The following CD22 variants were observed in gnomAD, a reference collection of about 807,000 sequenced individuals.
CD22 encodes CD22 molecule.
CD22 carries 51 observed loss-of-function variants against 94.7 expected under a neutral mutation model. That is an observed-to-expected ratio of 0.54 (90% CI 0.43 to 0.68). The LOEUF (loss-of-function observed/expected upper bound fraction) is 0.68. Ranked by LOEUF, CD22 falls within the 30% of genes least tolerant of loss-of-function variation. The pLI, the probability that CD22 is intolerant of heterozygous loss-of-function variation, is 0.00. For missense variants in CD22, 931 were observed against 1,060.4 expected (o/e 0.88, Z 1.69); for synonymous variants, 424 against 422.5 (o/e 1.00, Z -0.04).
In CD22 at chr19:35,336,251, T is replaced by C. The variant is rs1309647916; in HGVS notation, c.628T>C (p.Trp210Arg). 13 of 1,614,174 alleles carry C rather than the reference T, an allele frequency of 8.1e-6. No individual in the cohort carries two copies. The highest frequency in any genetic ancestry group is 1.1e-5 in the Non-Finnish European group (13 of 1,180,012). Residue 210 changes from tryptophan to arginine, a missense_variant, in exon 4 of 14, where the codon TGG (tryptophan) becomes CGG (arginine). By Grantham distance (101) the Trp-to-Arg change is moderately radical. Coordinates refer to ENST00000085219, the MANE Select transcript of CD22 (RefSeq NM_001771.4). ...TRSELKFSPQ[W>R]SHHGKIVTCQ... ...GAGCGAGCTCAAGTTCTCCCCACAG[T>C]GGAGTCACCATGGGAAGATTGTGAC...
chr19:35,338,071 G>T, intron 5 of CD22, 50 bp downstream of exon 5: 15 of 1,578,988 alleles, frequency 9.5e-6, no homozygotes, highest in Non-Finnish European at 1.3e-5. Context: ...TAGCAGGGGT[G>T]GACCCGGAGA....
At chr19:35,335,588 T>C (rs2066710784) in intron 3 of CD22, among the ~76,000 whole-genome samples, 1 of 140,846 alleles carries the variant, frequency 7.1e-6, no homozygotes, top group South Asian at 2.3e-4. Context: ...TGTGGTGGCT[T>C]ACACCTGTAA....
rs376922176 is a variant in CD22 at position 35,341,107 on chromosome 19, G to A, written c.1476G>A (p.Ser492=). ...GCGCAGCTTGTAATAGTTGGTGCTCGTGGGCCTCCCCTGTCGCCCTGAATG... is the reference window on the plus strand; with the variant it reads ...GCGCAGCTTGTAATAGTTGGTGCTCATGGGCCTCCCCTGTCGCCCTGAATG... The part of the protein sequence containing the change: ...IACAACNSWC[S]WASPVALNVQ... Residue 492 remains serine (S), a synonymous_variant, in exon 7 of 14, where the codon TCG becomes TCA. Transcript: ENST00000085219. This position sits in a 1 kb window ranked among gnomAD's most constrained non-coding sequence, Gnocchi z 4.0. 7 of 1,614,144 alleles carry A rather than the reference G, an allele frequency of 4.3e-6. No individual in the cohort carries two copies. Among genetic ancestry groups the A allele is most frequent in the Admixed American group, 1.7e-5 (1 of 60,010 alleles).
At chr19:35,344,295 C>A (rs537880288) in intron 9 of CD22, among the ~76,000 whole-genome samples, 1 of 152,364 alleles carries the variant, frequency 6.6e-6, no homozygotes. Flanking sequence ...CAGACACATC[C>A]CATCATATAA....
chr19:35,332,606 C>T lies in CD22; in HGVS notation c.94C>T (p.Leu32Phe), dbSNP rs2066660778. 2 of 1,614,096 alleles carry T rather than the reference C, an allele frequency of 1.2e-6. No individual in the cohort carries two copies. The highest frequency in any genetic ancestry group is 8.5e-7 in the Non-Finnish European group (1 of 1,180,006). ...ATGGGTTTTTGAGCACCCTGAAACC[C>T]TCTACGCCTGGGAGGGGGCCTGCGT... Reference protein sequence around the residue: ...SKWVFEHPETLYAWEGACVWI... With the variant: ...SKWVFEHPETFYAWEGACVWI... Residue 32 changes from leucine (L) to phenylalanine (F), a missense_variant, in exon 3 of 14, where the codon CTC becomes TTC. Physicochemically the swap from Leu to Phe is conservative, Grantham distance 22. Coordinates refer to ENST00000085219, the MANE Select transcript of CD22 (RefSeq NM_001771.4).
At position 35,337,926 on chromosome 19, in the gene CD22, G is replaced by A. The variant is rs200892922; in HGVS notation, c.890G>A (p.Arg297His). The change falls in exon 5 of 14, where the codon CGC becomes CAC. Residue 297 changes from arginine (R) to histidine (H), a missense_variant. Arg to His is a conservative substitution (Grantham distance 29). Coordinates refer to ENST00000085219, the MANE Select transcript of CD22 (RefSeq NM_001771.4). This position sits in a 1 kb window ranked among gnomAD's most constrained non-coding sequence, Gnocchi z 4.4. The part of the protein sequence containing the change: ...KKQNTFTLNL[R>H]EVTKDQSGKY... ...CAGAATACATTCACGCTAAACCTGC[G>A]CGAAGTGACCAAGGACCAGAGTGGG... 8.1e-6 allele frequency: 13 copies of A among 1,614,218 alleles called. No individual in the cohort carries two copies. The highest frequency in any genetic ancestry group is 6.7e-5 in the Admixed American group (4 of 60,018).
intron 6 of CD22, among the ~76,000 whole-genome samples, chr19:35,340,207 G>A (rs1370555440): frequency 1.3e-5 from 2 of 152,108 alleles, no homozygotes; most frequent in African/African-American, 4.8e-5. Flanking sequence ...TCTGCTCTAA[G>A]GGAGTCATCT....
chr19:35,334,629 A>G (rs545646812), intron 3 of CD22, among the ~76,000 whole-genome samples: 8 of 152,338 alleles, frequency 5.3e-5, no homozygotes, highest in African/African-American at 1.9e-4. Context: ...GAGGTGGTCC[A>G]GCCTTGGGGA....
chr19:35,337,620 A>G lies in CD22; in HGVS notation c.719-135A>G. On this transcript the variant is annotated intron_variant, in intron 4 of 13. Transcript: ENST00000085219. This position sits in a 1 kb window ranked among gnomAD's most constrained non-coding sequence, Gnocchi z 4.4. Reference sequence around the variant, plus strand: ...AGTGGGAGGGGGAAGCTGAGAGCCGAGTTAGGAGGCTGTGACCATCACCTG... The same window carrying G: ...AGTGGGAGGGGGAAGCTGAGAGCCGGGTTAGGAGGCTGTGACCATCACCTG... 1 of 742,222 alleles carries G rather than the reference A, an allele frequency of 1.3e-6. No individual in the cohort carries two copies. Among genetic ancestry groups the G allele is most frequent in the Non-Finnish European group, 2.1e-6 (1 of 465,524 alleles). The allele number at this position is 742,222 out of a possible 1,614,324, so 46.0% of individuals were successfully genotyped here. A position where few individuals can be genotyped will look rare whatever the true frequency, so the allele number is the denominator to read the frequency against.
intron 4 of CD22, 103 bp downstream of exon 4, chr19:35,336,444 C>T (rs1012321688): frequency 2.7e-5 from 30 of 1,107,816 alleles, no homozygotes; most frequent in South Asian, 1.7e-4. Context: ...CCTGCACAGA[C>T]GGCGGCATCC....
In CD22 at chr19:35,332,906, A is replaced by G. The variant is rs2066664967; in HGVS notation, c.394A>G (p.Ile132Val). Residue 132 changes from isoleucine to valine, a missense_variant, in exon 3 of 14, where the codon ATA (isoleucine) becomes GTA (valine). Physicochemically the swap from Ile to Val is conservative, Grantham distance 29. Coordinates refer to ENST00000085219, the MANE Select transcript of CD22 (RefSeq NM_001771.4). Reference sequence around the variant, plus strand: ...CAAGACTGAGAAATGGATGGAACGAATACACCTCAATGTCTCTGGTAAGGC... The same window carrying G: ...CAAGACTGAGAAATGGATGGAACGAGTACACCTCAATGTCTCTGGTAAGGC... Reference protein sequence around the residue: ...ESKTEKWMERIHLNVSERPFP... With the variant: ...ESKTEKWMERVHLNVSERPFP... 2 of 1,613,934 alleles carry G rather than the reference A, an allele frequency of 1.2e-6. No homozygotes were observed. Among genetic ancestry groups the G allele is most frequent in the Admixed American group, 3.3e-5 (2 of 60,000 alleles).
chr19:35,332,811 A>G lies in CD22; in HGVS notation c.299A>G (p.Lys100Arg). The change falls in exon 3 of 14, where the codon AAG becomes AGG. Residue 100 changes from lysine (K) to arginine (R), a missense_variant. Coordinates refer to ENST00000085219, the MANE Select transcript of CD22 (RefSeq NM_001771.4). The part of the protein sequence containing the change: ...KRVQFLGDKN[K>R]NCTLSIHPVH... ...GTGCAATTCCTGGGAGACAAGAATAAGAACTGCACACTGAGTATCCACCCG... is the reference window on the plus strand; with the variant it reads ...GTGCAATTCCTGGGAGACAAGAATAGGAACTGCACACTGAGTATCCACCCG... The G allele has an allele frequency of 6.2e-7, 1 of 1,614,224 alleles. No individual in the cohort carries two copies. The highest frequency in any genetic ancestry group is 8.5e-7 in the Non-Finnish European group (1 of 1,180,044).
chr19:35,336,180 C>T lies in CD22; in HGVS notation c.557C>T (p.Ala186Val), dbSNP rs775199004. ...CTAGAGGGGGTTCCAATGAGGCAGG[C>T]TGCTGTCACCTCGACCTCCTTGACC... ...WLLEGVPMRQ[A>V]AVTSTSLTIK... The change falls in exon 4 of 14, where the codon GCT becomes GTT. Residue 186 changes from alanine to valine, a missense_variant. Transcript: ENST00000085219. 6.0e-5 allele frequency: 97 copies of T among 1,614,118 alleles called. 1 individual carries two copies. The highest frequency in any genetic ancestry group is 7.9e-5 in the Non-Finnish European group (93 of 1,180,050).
At chr19:35,335,408 C>T (rs2066706909) in intron 3 of CD22, among the ~76,000 whole-genome samples, 1 of 151,188 alleles carries the variant, frequency 6.6e-6, no homozygotes, top group African/African-American at 2.4e-5. Context: ...GTTTAAAAAA[C>T]TAGCTAGGTG....
chr19:35,346,546 C>T lies in CD22; in HGVS notation c.2413-20C>T, dbSNP rs754891789. ...GCTGGCGACAGTGGGGCCAGGCTAACCACCATGCGGTTTTCTCAGGGCGAC... is the reference window on the plus strand; with the variant it reads ...GCTGGCGACAGTGGGGCCAGGCTAATCACCATGCGGTTTTCTCAGGGCGAC... On this transcript the variant is annotated intron_variant, in intron 13 of 13. Transcript: ENST00000085219. 5 of 1,590,026 alleles carry T rather than the reference C, an allele frequency of 3.1e-6. No individual in the cohort carries two copies. In the Admixed American group the frequency reaches 5.3e-5, roughly 17 times the overall value.
intron 6 of CD22, among the ~76,000 whole-genome samples, chr19:35,339,870 T>G (rs1339748469): frequency 2.0e-5 from 3 of 151,702 alleles, no homozygotes; most frequent in Non-Finnish European, 4.4e-5. Context: ...AAAGAATAAT[T>G]AACTGCAAGA....
intron 2 of CD22, 94 bp downstream of exon 2, chr19:35,332,168 G>T: frequency 7.2e-7 from 1 of 1,386,764 alleles, no homozygotes; most frequent in South Asian, 1.2e-5. Context: ...CGTCAACATA[G>T]GGTAGGGTGG....
In CD22 at chr19:35,341,629, G is replaced by A; in HGVS notation, c.1771+23G>A. On this transcript the variant is annotated intron_variant, in intron 8 of 13. Coordinates refer to ENST00000085219, the MANE Select transcript of CD22 (RefSeq NM_001771.4). This position sits in a 1 kb window ranked among gnomAD's most constrained non-coding sequence, Gnocchi z 4.0. Reference sequence around the variant, plus strand: ...TGTGTGAGTGAGGGCCGGAGGCTGGGAGTGGAGCAGAGAAGGGACCAGTGG... The same window carrying A: ...TGTGTGAGTGAGGGCCGGAGGCTGGAAGTGGAGCAGAGAAGGGACCAGTGG... 6.2e-7 allele frequency: 1 copy of A among 1,607,732 alleles called. No individual in the cohort carries two copies. The highest frequency in any genetic ancestry group is 1.3e-5 in the African/African-American group (1 of 74,908).
chr19:35,345,796 C>G (rs1026731016), intron 12 of CD22, 76 bp downstream of exon 12: 5 of 1,043,402 alleles, frequency 4.8e-6, no homozygotes, highest in African/African-American at 1.6e-5. Flanking sequence ...CGCCTGCCCT[C>G]TTTGTGCCAG....
Sources: gnomAD v4.1 joint callset for allele counts (sites outside exome capture counted in the v4.1 genomes callset) on GRCh38, gnomAD v4.1.1 for gene constraint, Gnocchi (gnomAD v3.1) non-coding constraint, MANE v1.5 for transcripts, NCBI Gene and HGNC (gene_info 2026-07-23, HGNC 2026-07-21) for gene names.